POF1B: variants seen among roughly 807,000 people sequenced by gnomAD.
POF1B encodes POF1B actin binding protein, also known as protein POF1B.
In POF1B, 53 loss-of-function variants were observed where a neutral mutation model predicts 55.3. That is an observed-to-expected ratio of 0.96 (90% confidence interval 0.77 to 1.20). The LOEUF (loss-of-function observed/expected upper bound fraction) is 1.20. POF1B is among the 50% of genes most tolerant of loss of function. The pLI is 0.00. For synonymous variants in POF1B, 188 were observed against 148.3 expected (o/e 1.27, Z -1.95); for missense variants, 478 against 420.5 (o/e 1.14, Z -1.20).
rs188092377 is a variant in POF1B at position 85,344,555 on chromosome X, T to C, written c.723+1305A>G. 2.1e-3 allele frequency among the ~76,000 whole-genome samples: 238 copies of C among 111,477 alleles called. 1 individual carries two copies. Among genetic ancestry groups the C allele is most frequent in the African/African-American group, 7.3e-3 (225 of 30,796 alleles). On this transcript the variant is annotated intron_variant, in intron 6 of 16. Transcript: ENST00000262753. ...ACTAAGGCAAAGCAAAGTTAAGCATTAGGTTGAACTGTATAAAATTGTTGC... is the reference window on the plus strand; with the variant it reads ...ACTAAGGCAAAGCAAAGTTAAGCATCAGGTTGAACTGTATAAAATTGTTGC...
intron 7 of POF1B, among the ~76,000 whole-genome samples, chrX:85,328,865 A>T (rs1429156577): frequency 9.0e-6 from 1 of 110,639 alleles, no homozygotes. Context: ...AAACAAAAAA[A>T]AAAACTGTGA....
At chrX:85,371,351 A>C (rs752703927) in intron 2 of POF1B, among the ~76,000 whole-genome samples, 2 of 112,125 alleles carry the variant, frequency 1.8e-5, no homozygotes, top group South Asian at 7.4e-4. Flanking sequence ...TGATGATTAT[A>C]ATGATGACTA....
At chrX:85,317,185 T>G (rs1325899003) in intron 7 of POF1B, among the ~76,000 whole-genome samples, 12 of 110,307 alleles carry the variant, frequency 1.1e-4, no homozygotes, top group Admixed American at 6.7e-4. Flanking sequence ...GCAATGAACA[T>G]AGGTGTGCAA....
intron 6 of POF1B, among the ~76,000 whole-genome samples, chrX:85,344,764 G>A (rs925980821): frequency 9.0e-5 from 10 of 110,879 alleles, no homozygotes; most frequent in Non-Finnish European, 1.9e-4. Context: ...ACAATTTTAG[G>A]CTTTTCTTTA....
At chrX:85,281,123 A>G (rs1037169464) in intron 16 of POF1B, among the ~76,000 whole-genome samples, 3 of 110,674 alleles carry the variant, frequency 2.7e-5, no homozygotes, top group Admixed American at 1.9e-4. Context: ...TTCCCCACCA[A>G]TGATGGGTTG....
At chrX:85,323,935 A>G (rs1731117011) in intron 7 of POF1B, among the ~76,000 whole-genome samples, 1 of 112,038 alleles carries the variant, frequency 8.9e-6, no homozygotes, top group Admixed American at 9.5e-5. Context: ...CATTCGTTTC[A>G]AAGAATTTCT....
chrX:85,306,186 T>G lies in POF1B; in HGVS notation c.1312A>C (p.Met438Leu). The change falls in exon 12 of 17, where the codon ATG becomes CTG. Residue 438 changes from methionine to leucine, a missense_variant. Transcript: ENST00000262753. ...NLEQENQNLR[M>L]QVSETCTGPM... is the part of the protein sequence containing the mutation. ...TTAAAAGGAAGTTTTAATACCTGCATTCTAAGGTTTTGATTCTCTTGCTCT... is the reference window on the plus strand; with the variant it reads ...TTAAAAGGAAGTTTTAATACCTGCAGTCTAAGGTTTTGATTCTCTTGCTCT... 8.4e-7 allele frequency: 1 copy of G among 1,196,665 alleles called. No individual in the cohort carries two copies. Among genetic ancestry groups the G allele is most frequent in the Non-Finnish European group, 1.1e-6 (1 of 884,685 alleles).
At chrX:85,307,788 G>C (rs1255284914) in intron 10 of POF1B, among the ~76,000 whole-genome samples, 1 of 111,673 alleles carries the variant, frequency 9.0e-6, no homozygotes, top group East Asian at 2.8e-4. Context: ...TGGAAATTCA[G>C]AGTATGCTTT....
intron 9 of POF1B, among the ~76,000 whole-genome samples, chrX:85,311,567 C>G (rs183362449): frequency 1.5e-4 from 17 of 111,420 alleles, no homozygotes; most frequent in Admixed American, 1.4e-3. Context: ...GTGCGTATGT[C>G]CCACATTATC....
intron 15 of POF1B, among the ~76,000 whole-genome samples, chrX:85,287,694 C>T (rs1180064577): frequency 9.0e-6 from 1 of 111,350 alleles, no homozygotes; most frequent in Non-Finnish European, 1.9e-5. Flanking sequence ...CTTACATAAA[C>T]TCTTCCAAAA....
chrX:85,375,892 A>G (rs1933912768), intron 2 of POF1B, among the ~76,000 whole-genome samples: 1 of 111,847 alleles, frequency 8.9e-6, no homozygotes, highest in Admixed American at 9.5e-5. Flanking sequence ...TATAACATAT[A>G]CACTAAAATA....
chrX:85,316,717 T>A (rs1932790498), intron 7 of POF1B, among the ~76,000 whole-genome samples: 1 of 111,337 alleles, frequency 9.0e-6, no homozygotes, highest in South Asian at 3.7e-4. Context: ...ATTTGTCTAT[T>A]CATTTTTTTT....
chrX:85,315,030 ATTT>A (rs1241892176), intron 8 of POF1B, among the ~76,000 whole-genome samples: 1 of 111,590 alleles, frequency 9.0e-6, no homozygotes, highest in Non-Finnish European at 1.9e-5. Context: ...GCTTCAACTA[ATTT>A]TAAGTGAGTA....
chrX:85,282,110 C>T, intron 16 of POF1B, 93 bp downstream of exon 16: 3 of 959,745 alleles, frequency 3.1e-6, no homozygotes, highest in Non-Finnish European at 4.0e-6. Flanking sequence ...AAAAAATACT[C>T]AAAGTTTTTA....
At chrX:85,351,509 T>A in intron 4 of POF1B, 58 bp from the exon 5 acceptor site, 1 of 887,168 alleles carries the variant, frequency 1.1e-6, no homozygotes, top group Non-Finnish European at 1.6e-6. Flanking sequence ...AGAGTAACCT[T>A]AAATTAGGCA....
intron 2 of POF1B, among the ~76,000 whole-genome samples, chrX:85,370,936 A>C (rs1185552815): frequency 8.9e-6 from 1 of 111,885 alleles, no homozygotes; most frequent in Non-Finnish European, 1.9e-5. Context: ...TTCATGTTGA[A>C]ACTATTAAAT....
chrX:85,323,046 C>A (rs776610697), intron 7 of POF1B, among the ~76,000 whole-genome samples: 22,917 of 109,238 alleles, frequency 0.21, 2,474 homozygotes, highest in African/African-American at 0.39. Flanking sequence ...GCGATTCCTC[C>A]GGGATCTAGA....
intron 15 of POF1B, among the ~76,000 whole-genome samples, chrX:85,291,695 A>C (rs759363411): frequency 1.3e-3 from 139 of 110,113 alleles, no homozygotes; most frequent in Non-Finnish European, 2.4e-3. Flanking sequence ...TGTGAATAGG[A>C]GGTCATTTCT....
At chrX:85,325,695 G>T (rs1932889605) in intron 7 of POF1B, among the ~76,000 whole-genome samples, 1 of 111,579 alleles carries the variant, frequency 9.0e-6, no homozygotes, top group Non-Finnish European at 1.9e-5. Flanking sequence ...TCTCATCCTG[G>T]TTAGGAACCA....
Sources: allele counts gnomAD v4.1 joint callset (sites outside exome capture counted in the v4.1 genomes callset), GRCh38; gene constraint gnomAD v4.1.1; transcripts MANE v1.5; gene names NCBI Gene and HGNC (gene_info 2026-07-23, HGNC 2026-07-21).